The following DENND1B variants were observed in gnomAD, a reference collection of about 807,000 sequenced individuals.
The protein encoded by DENND1B is DENN domain containing 1B, also known as DENN domain-containing protein 1B.
Under a neutral mutation model 90.1 loss-of-function variants are expected in DENND1B, and 59 were observed. The ratio of observed to expected loss-of-function variants is 0.65; its 90% CI spans 0.53 to 0.81. DENND1B has a LOEUF of 0.81. Among genes scored for constraint, DENND1B ranks in the 40% least tolerant of loss-of-function variants. The pLI, the probability that DENND1B is intolerant of heterozygous loss-of-function variation, is 0.00. For synonymous variants in DENND1B, 337 were observed against 324.6 expected (o/e 1.04, Z -0.41); for missense variants, 862 against 912.6 (o/e 0.94, Z 0.71).
intron 3 of DENND1B, among the ~76,000 whole-genome samples, chr1:197,706,267 C>T (rs1006345900): frequency 1.3e-5 from 2 of 152,250 alleles, no homozygotes; most frequent in Middle Eastern, 3.4e-3. Flanking sequence ...GCAAAAAGTA[C>T]TTATTTCTAT....
intron 16 of DENND1B, chr1:197,552,718 A>C: frequency 8.8e-7 from 1 of 1,140,770 alleles, no homozygotes; most frequent in Non-Finnish European, 1.1e-6. Flanking sequence ...ACTACTATTC[A>C]GAAGGAAAGA....
intron 11 of DENND1B, among the ~76,000 whole-genome samples, chr1:197,615,479 C>T (rs1353085311): frequency 1.3e-5 from 2 of 151,006 alleles, no homozygotes; most frequent in African/African-American, 4.8e-5. Flanking sequence ...AAAGAGTTAG[C>T]AAAGATATAT....
At chr1:197,669,568 A>C (rs555096824) in intron 5 of DENND1B, among the ~76,000 whole-genome samples, 2 of 152,274 alleles carry the variant, frequency 1.3e-5, no homozygotes, top group Admixed American at 1.3e-4. Flanking sequence ...GTTATTCTCT[A>C]AATCAGCTGT....
chr1:197,662,241 C>T (rs1654478469), intron 5 of DENND1B, among the ~76,000 whole-genome samples: 1 of 151,938 alleles, frequency 6.6e-6, no homozygotes, highest in South Asian at 2.1e-4. Context: ...GTTAGTTATA[C>T]GTCCATCTAG....
At chr1:197,668,032 C>T (rs960870632) in intron 5 of DENND1B, among the ~76,000 whole-genome samples, 1 of 151,806 alleles carries the variant, frequency 6.6e-6, no homozygotes, top group Admixed American at 6.6e-5. Flanking sequence ...ACATACAATC[C>T]CATATTAAGA....
At chr1:197,694,805 T>C (rs1658263743) in intron 3 of DENND1B, among the ~76,000 whole-genome samples, 1 of 151,254 alleles carries the variant, frequency 6.6e-6, no homozygotes. Flanking sequence ...TTCACTGCCA[T>C]AAAAATAGAT....
chr1:197,746,503 C>G lies in DENND1B; in HGVS notation c.82+26365G>C, dbSNP rs571423633. ...TCTATACAAATAAATAAACAAAATT[C>G]TATCCTATTTTTCTATATTTTTTCT... On this transcript the variant is annotated intron_variant, in intron 2 of 22. Coordinates refer to ENST00000620048, the MANE Select transcript of DENND1B (RefSeq NM_001195215.2). Among the ~76,000 whole-genome samples the G allele has an allele frequency of 2.0e-5, 3 of 152,218 alleles. No homozygotes were observed. In the East Asian group the frequency reaches 5.8e-4, roughly 29 times the overall value.
At chr1:197,781,857 T>A in the DENND1B span, among the ~76,000 whole-genome samples, 9 of 152,206 alleles carry the variant, frequency 5.9e-5, no homozygotes, top group Non-Finnish European at 1.0e-4. Context: ...TCGATGATGA[T>A]ATTTGTATAT....
rs1434718445 is a variant in DENND1B, at chr1:197,510,635, C to T, written c.2153G>A (p.Gly718Asp). ...SQISDDLLIP[G>D]LGRHSSTFVP... is the part of the protein sequence containing the mutation. Reference sequence around the variant, plus strand: ...AAAAGTCGATGAATGCCGCCCAAGACCGGGTATAAGCAGATCATCTGAAAT... The same window carrying T: ...AAAAGTCGATGAATGCCGCCCAAGATCGGGTATAAGCAGATCATCTGAAAT... The change falls in exon 23 of 23, where the codon GGT becomes GAT. Residue 718 changes from glycine to aspartate, a missense_variant. Coordinates refer to ENST00000620048, the MANE Select transcript of DENND1B (RefSeq NM_001195215.2). 2.5e-6 allele frequency: 4 copies of T among 1,612,810 alleles called. No individual in the cohort carries two copies. Among genetic ancestry groups the T allele is most frequent in the Non-Finnish European group, 3.4e-6 (4 of 1,179,242 alleles).
At chr1:197,761,905 A>AT (rs1655097416) in intron 2 of DENND1B, 1 of 150,298 alleles carries the variant, frequency 6.7e-6, no homozygotes, top group African/African-American at 2.5e-5. Context: ...CAACAGCTCT[A>AT]TTTAAAAAAA....
chr1:197,740,034 TTG>T (rs944610541), intron 2 of DENND1B, among the ~76,000 whole-genome samples: 1 of 152,166 alleles, frequency 6.6e-6, no homozygotes, highest in Admixed American at 6.5e-5. Flanking sequence ...AGCCCTGAAC[TTG>T]TGTTTGATTT....
chr1:197,595,266 A>G lies in DENND1B; in HGVS notation c.989T>C (p.Phe330Ser). The change falls in exon 14 of 23, where the codon TTT (phenylalanine) becomes TCT (serine). Residue 330 changes from phenylalanine (F) to serine (S), a missense_variant. Coordinates refer to ENST00000620048, the MANE Select transcript of DENND1B (RefSeq NM_001195215.2). ...TATGDGVARA[F>S]LRAQAALFGS... is the part of the protein sequence containing the mutation. ...AAACAAAGCAGCCTGTGCTCTAAGA[A>G]AGGCCCTAGCTACTCCATCACCCGT... 6.2e-7 allele frequency: 1 copy of G among 1,613,400 alleles called. No homozygotes were observed. The highest frequency in any genetic ancestry group is 8.5e-7 in the Non-Finnish European group (1 of 1,179,474).
At chr1:197,700,456 A>C (rs1212434434) in intron 3 of DENND1B, among the ~76,000 whole-genome samples, 1 of 152,202 alleles carries the variant, frequency 6.6e-6, no homozygotes, top group Non-Finnish European at 1.5e-5. Context: ...TTATACAAAA[A>C]TTAACTCAAG....
chr1:197,731,570 C>T (rs1411679880), intron 2 of DENND1B, among the ~76,000 whole-genome samples: 1 of 152,150 alleles, frequency 6.6e-6, no homozygotes, highest in African/African-American at 2.4e-5. Context: ...AGTCAAACTT[C>T]ATATAGACAT....
At chr1:197,539,691 A>G (rs1048313796) in intron 20 of DENND1B, among the ~76,000 whole-genome samples, 1 of 152,182 alleles carries the variant, frequency 6.6e-6, no homozygotes, top group Non-Finnish European at 1.5e-5. Flanking sequence ...TTCACACTCT[A>G]TAAGAATCAC....
chr1:197,510,840 G>A lies in DENND1B; in HGVS notation c.1948C>T (p.Arg650Trp), dbSNP rs899763529. 15 of 1,611,770 alleles carry A rather than the reference G, an allele frequency of 9.3e-6. No homozygotes were observed. The highest frequency in any genetic ancestry group is 3.3e-5 in the Admixed American group (2 of 59,728). ...TCTGTCAAACCACTAGAGGAAACCC[G>A]CTTCCTAGGAGATGGAGGGAGGTGT... ...GKHLPPSPRK[R>W]VSSSGLTDSL... Residue 650 changes from arginine (R) to tryptophan (W), a missense_variant, in exon 23 of 23, where the codon CGG (arginine) becomes TGG (tryptophan). Arg to Trp is a moderately radical substitution (Grantham distance 101). Coordinates refer to ENST00000620048, the MANE Select transcript of DENND1B (RefSeq NM_001195215.2).
At chr1:197,552,876 T>C (rs955125582) in intron 16 of DENND1B, 146 bp downstream of exon 16, 11 of 1,436,626 alleles carry the variant, frequency 7.7e-6, no homozygotes, top group Middle Eastern at 2.1e-4. Context: ...CCATAGCTTT[T>C]ATAAGATGAA....
intron 2 of DENND1B, among the ~76,000 whole-genome samples, chr1:197,715,613 T>C (rs1216205195): frequency 2.0e-5 from 3 of 151,878 alleles, no homozygotes; most frequent in Non-Finnish European, 4.4e-5. Flanking sequence ...AATAGATAAG[T>C]TGGTAAGTAG....
intron 11 of DENND1B, among the ~76,000 whole-genome samples, chr1:197,615,831 G>T (rs1432928466): frequency 1.3e-5 from 2 of 150,900 alleles, no homozygotes; most frequent in Non-Finnish European, 3.0e-5. Flanking sequence ...TTTGAACCAG[G>T]GAGGTTTTTG....
Sources: gnomAD v4.1 joint callset for allele counts (sites outside exome capture counted in the v4.1 genomes callset) on GRCh38, gnomAD v4.1.1 for gene constraint, MANE v1.5 for transcripts, NCBI Gene and HGNC (gene_info 2026-07-23, HGNC 2026-07-21) for gene names.